KAT2B: variants seen among roughly 807,000 people sequenced by gnomAD.
KAT2B encodes the protein lysine acetyltransferase 2B.
Under a neutral mutation model 105.9 loss-of-function variants are expected in KAT2B, and 36 were observed. The observed-to-expected ratio is 0.34, with a 90% confidence interval of 0.26 to 0.45. The LOEUF is 0.45. Among genes scored for constraint, KAT2B ranks in the 20% least tolerant of loss-of-function variants. The pLI is 1.00. For missense variants in KAT2B, 820 were observed against 1,021.6 expected (o/e 0.80, Z 2.69); for synonymous variants, 397 against 377.9 (o/e 1.05, Z -0.59).
intron 2 of KAT2B, among the ~76,000 whole-genome samples, chr3:20,089,461 C>T (rs528579199): frequency 4.7e-5 from 7 of 148,430 alleles, no homozygotes; most frequent in East Asian, 4.0e-4. Context: ...AGTGCAATGG[C>T]GCAATCTCAG....
chr3:20,121,460 A>G (rs1699306110), intron 8 of KAT2B, among the ~76,000 whole-genome samples: 1 of 152,172 alleles, frequency 6.6e-6, no homozygotes, highest in African/African-American at 2.4e-5. Context: ...CTACCATGCA[A>G]TCTCATGAGG....
chr3:20,085,324 C>A (rs1411668179), intron 2 of KAT2B, among the ~76,000 whole-genome samples: 1 of 152,172 alleles, frequency 6.6e-6, no homozygotes, highest in African/African-American at 2.4e-5. Flanking sequence ...AGATTGACCT[C>A]AAGGAAAATT....
At position 20,153,388 on chromosome 3, in the gene KAT2B, G is replaced by A. The variant is rs969851563; in HGVS notation, c.*863G>A. ...AGGAAAAGATGTATGGTCTATATAT[G>A]TATCAATCTGGTGAATCCTCGTTCT... On this transcript the variant is annotated 3_prime_UTR_variant, in exon 18 of 18. Coordinates refer to ENST00000263754, the MANE Select transcript of KAT2B (RefSeq NM_003884.5). 4 of 152,264 alleles carry A rather than the reference G, an allele frequency of 2.6e-5. No individual in the cohort carries two copies. The highest frequency in any genetic ancestry group is 5.9e-5 in the Non-Finnish European group (4 of 67,980). The allele number at this position is 152,264 out of a possible 1,614,324, so 9.4% of individuals were successfully genotyped here. A position where few individuals can be genotyped will look rare whatever the true frequency, so the allele number is the denominator to read the frequency against.
intron 11 of KAT2B, among the ~76,000 whole-genome samples, chr3:20,132,904 C>T (rs17797581): frequency 0.14 from 20,646 of 152,232 alleles, 1,669 homozygotes; most frequent in South Asian, 0.35. Flanking sequence ...ATCTCTCTTG[C>T]ATCGACATCC....
At chr3:20,078,711 A>G (rs915273251) in intron 2 of KAT2B, among the ~76,000 whole-genome samples, 33 of 151,270 alleles carry the variant, frequency 2.2e-4, no homozygotes, top group Non-Finnish European at 4.1e-4. Flanking sequence ...ATGTATATAT[A>G]TATGTACACA....
intron 2 of KAT2B, among the ~76,000 whole-genome samples, chr3:20,085,903 T>G (rs1698605869): frequency 6.6e-6 from 1 of 152,212 alleles, no homozygotes; most frequent in South Asian, 2.1e-4. Flanking sequence ...AATAATACAG[T>G]GTTGACATTT....
intron 5 of KAT2B, among the ~76,000 whole-genome samples, chr3:20,102,065 C>G (rs542029551): frequency 6.6e-6 from 1 of 152,136 alleles, no homozygotes. Context: ...ACCTGTAATC[C>G]TAGCACTTTG....
chr3:20,135,653 CAA>C (rs10706710), intron 11 of KAT2B, among the ~76,000 whole-genome samples: 14,319 of 146,292 alleles, frequency 0.098, 858 homozygotes, highest in East Asian at 0.21. Context: ...GACTCCATCT[CAA>C]AAAAAAAAAA....
chr3:20,134,932 T>C (rs1293263112), intron 11 of KAT2B, among the ~76,000 whole-genome samples: 2 of 152,208 alleles, frequency 1.3e-5, no homozygotes, highest in Non-Finnish European at 2.9e-5. Flanking sequence ...AAGTATAAAA[T>C]GTTAGTAATG....
chr3:20,040,553 C>G lies in KAT2B; in HGVS notation c.76C>G (p.Pro26Ala), dbSNP rs1037034135. The change falls in exon 1 of 18, where the codon CCC (proline) becomes GCC (alanine). Residue 26 changes from proline to alanine, a missense_variant. Coordinates refer to ENST00000263754, the MANE Select transcript of KAT2B (RefSeq NM_003884.5). ...GGCAGGGGCCGGGCCCGGGGCGCTG[C>G]CCCCGCAGCCTGCGGCGCTTCCGCC... ...AGAGAGPGAL[P>A]PQPAALPPAP... 5.8e-6 allele frequency: 6 copies of G among 1,037,462 alleles called. No homozygotes were observed. The African/African-American group carries it at 8.6e-5, about 15-fold the overall frequency. The allele number at this position is 1,037,462 out of a possible 1,614,324, so 64.3% of individuals were successfully genotyped here.
intron 11 of KAT2B, among the ~76,000 whole-genome samples, chr3:20,131,337 C>A (rs1486306906): frequency 1.3e-5 from 2 of 151,788 alleles, no homozygotes; most frequent in Non-Finnish European, 2.9e-5. Flanking sequence ...TTTTTACTGT[C>A]CTGTGTCATT....
At chr3:20,137,114 C>T (rs1013733877) in intron 12 of KAT2B, 62 bp downstream of exon 12, 44 of 836,246 alleles carry the variant, frequency 5.3e-5, no homozygotes, top group South Asian at 5.1e-4. Flanking sequence ...TCTCAGGTAG[C>T]GTTCTTCCAA....
chr3:20,097,540 A>C (rs920944404), intron 3 of KAT2B, among the ~76,000 whole-genome samples: 4 of 152,178 alleles, frequency 2.6e-5, no homozygotes, highest in Middle Eastern at 6.8e-3. Context: ...ATTTTTTTTT[A>C]ATTTTAACTT....
In KAT2B at chr3:20,102,304, C is replaced by CA. The variant is rs1047353312; in HGVS notation, c.851+846dup. On this transcript the variant is annotated intron_variant, in intron 5 of 17. Coordinates refer to ENST00000263754, the MANE Select transcript of KAT2B (RefSeq NM_003884.5). ...TGGGCAACAGAGCAAGACTCTGTCTCAAAAAAAAAATTTTTTTTAAAGGAA... is the reference window on the plus strand; with the variant it reads ...TGGGCAACAGAGCAAGACTCTGTCTCAAAAAAAAAAATTTTTTTTAAAGGAA... Among the ~76,000 whole-genome samples the CA allele has an allele frequency of 6.0e-5, 9 of 149,942 alleles. No individual in the cohort carries two copies. The East Asian group carries it at 9.8e-4, about 16-fold the overall frequency.
intron 17 of KAT2B, among the ~76,000 whole-genome samples, chr3:20,149,907 GCTT>G (rs1035815988): frequency 9.2e-4 from 140 of 152,338 alleles, no homozygotes; most frequent in African/African-American, 3.3e-3. Context: ...GACCATCTCA[GCTT>G]CTTTTGGGAA....
At position 20,064,705 on chromosome 3, in the gene KAT2B, T is replaced by G. The variant is rs566880667; in HGVS notation, c.304-7628T>G. 2.2e-4 allele frequency among the ~76,000 whole-genome samples: 34 copies of G among 152,328 alleles called. 2 individuals carry two copies. In the South Asian group the frequency reaches 3.7e-3, roughly 17 times the overall value. On this transcript the variant is annotated intron_variant, in intron 1 of 17. Coordinates refer to ENST00000263754, the MANE Select transcript of KAT2B (RefSeq NM_003884.5). The stretch of plus-strand genomic sequence containing the variant: ...TTTCTCTTTTAATAATGGCAATAAT[T>G]CATACTTTACTTACATCGAGTGAGA...
At chr3:20,072,656 A>T (rs1247958364) in intron 2 of KAT2B, among the ~76,000 whole-genome samples, 197 bp downstream of exon 2, 1 of 152,222 alleles carries the variant, frequency 6.6e-6, no homozygotes, top group Non-Finnish European at 1.5e-5. Context: ...GTGTGCAGTG[A>T]CTTTGTCCCT....
At chr3:20,062,251 T>A (rs1204023688) in intron 1 of KAT2B, among the ~76,000 whole-genome samples, 4 of 22,042 alleles carry the variant, frequency 1.8e-4, no homozygotes, top group Admixed American at 6.0e-4. Context: ...ATATAATATA[T>A]AAAATATGAT....
intron 1 of KAT2B, among the ~76,000 whole-genome samples, chr3:20,043,019 G>C (rs1382454164): frequency 6.6e-6 from 1 of 151,876 alleles, no homozygotes; most frequent in East Asian, 1.9e-4. Context: ...TCCTACATCA[G>C]CCTCTTGAGT....
Sources: gnomAD v4.1 joint callset for allele counts (sites outside exome capture counted in the v4.1 genomes callset) on GRCh38, gnomAD v4.1.1 for gene constraint, MANE v1.5 for transcripts, NCBI Gene and HGNC (gene_info 2026-07-23, HGNC 2026-07-21) for gene names.